Variants in IREB2 observed in about 807,000 individuals in gnomAD.
IREB2 encodes the protein iron responsive element binding protein 2, also known as iron-responsive element-binding protein 2.
Under a neutral mutation model 118.8 loss-of-function variants are expected in IREB2, and 39 were observed. The ratio of observed to expected loss-of-function variants is 0.33; its 90% CI spans 0.25 to 0.43. The LOEUF (loss-of-function observed/expected upper bound fraction) is 0.43, where lower values mean the gene tolerates loss of function less well. IREB2 is among the 20% of genes least tolerant of loss of function. The pLI is 1.00. For missense variants in IREB2, 900 were observed against 1,147.3 expected, an observed-to-expected ratio of 0.78 and a Z score of 3.11; for synonymous variants, 372 against 392.2, an observed-to-expected ratio of 0.95 and a Z score of 0.61.
chr15:78,442,031 C>G (rs2050852558), intron 2 of IREB2, among the ~76,000 whole-genome samples: 1 of 152,000 alleles, frequency 6.6e-6, no homozygotes, highest in South Asian at 2.1e-4. Context: ...CTTAACCTCC[C>G]AAGTAGCTGG....
intron 5 of IREB2, among the ~76,000 whole-genome samples, chr15:78,466,913 A>G (rs186280914): frequency 9.9e-4 from 151 of 151,788 alleles, no homozygotes; most frequent in African/African-American, 3.5e-3. Flanking sequence ...ATCTTTTCCT[A>G]TTGCATTAAG....
At position 78,484,997 on chromosome 15, in the gene IREB2, C is replaced by T. The variant is rs1596010313; in HGVS notation, c.1573+77C>T. 8 of 1,348,260 alleles carry T rather than the reference C, an allele frequency of 5.9e-6. No homozygotes were observed. In the South Asian group the frequency reaches 1.1e-4, roughly 18 times the overall value. The allele number at this position is 1,348,260 out of a possible 1,614,324, so 83.5% of individuals were successfully genotyped here. A position where few individuals can be genotyped will look rare whatever the true frequency, so the allele number is the denominator to read the frequency against. ...CTTTTCTGTTATTGTAACTTTGTTT[C>T]TTAGATGATGCATGAGTGTCTACAT... On this transcript the variant is annotated intron_variant, in intron 12 of 21. Transcript: ENST00000258886.
chr15:78,490,456 C>T lies in IREB2; in HGVS notation c.2111C>T (p.Pro704Leu), dbSNP rs201201058. 33 of 1,606,264 alleles carry T rather than the reference C, an allele frequency of 2.1e-5. No homozygotes were observed. In the Admixed American group the frequency reaches 3.8e-4, roughly 19 times the overall value. Residue 704 changes from proline to leucine, a missense_variant, in exon 17 of 22, where the codon CCG becomes CTG. Physicochemically the swap from Pro to Leu is moderately conservative, Grantham distance 98 (BLOSUM62 -3). Coordinates refer to ENST00000258886, the MANE Select transcript of IREB2 (RefSeq NM_004136.4). ...GNKRWNSLEAPDSVLFPWDLK... is the reference protein window; with the variant it reads ...GNKRWNSLEALDSVLFPWDLK... ...AAACGGTGGAATTCCTTAGAAGCAC[C>T]GGATTCAGTTTTGTTTCCATGGGAC...
chr15:78,454,880 G>A (rs1246310165), intron 2 of IREB2, among the ~76,000 whole-genome samples: 1 of 152,090 alleles, frequency 6.6e-6, no homozygotes, highest in Non-Finnish European at 1.5e-5. Flanking sequence ...TTCTTGTAGA[G>A]ATGATCTTGT....
At chr15:78,471,321 T>G (rs1596000456) in intron 6 of IREB2, among the ~76,000 whole-genome samples, 1 of 152,372 alleles carries the variant, frequency 6.6e-6, no homozygotes, top group East Asian at 1.9e-4. Context: ...TTTAGTAGTT[T>G]CTAAAGGTTT....
chr15:78,477,953 G>A (rs920870173), intron 9 of IREB2, among the ~76,000 whole-genome samples: 9 of 151,804 alleles, frequency 5.9e-5, no homozygotes, highest in African/African-American at 1.2e-4. Flanking sequence ...GGGGTGTGGT[G>A]GCTCATACCC....
intron 8 of IREB2, 31 bp from the exon 9 acceptor site, chr15:78,476,157 T>C (rs1288304758): frequency 6.8e-7 from 1 of 1,480,956 alleles, no homozygotes; most frequent in Non-Finnish European, 9.1e-7. Context: ...CTTTGCAATT[T>C]TGTATGTGTT....
At chr15:78,479,127 T>A (rs867301795) in intron 10 of IREB2, among the ~76,000 whole-genome samples, 1 of 152,064 alleles carries the variant, frequency 6.6e-6, no homozygotes, top group South Asian at 2.1e-4. Flanking sequence ...AATATTATTA[T>A]TTTTTGGACC....
At chr15:78,448,361 T>G (rs1293591789) in intron 2 of IREB2, among the ~76,000 whole-genome samples, 1 of 152,106 alleles carries the variant, frequency 6.6e-6, no homozygotes, top group Non-Finnish European at 1.5e-5. Context: ...GCCAGGCTGG[T>G]CTCGAGCTCC....
At chr15:78,475,871 G>C (rs1282697318) in intron 8 of IREB2, 1 of 173,678 alleles carries the variant, frequency 5.8e-6, no homozygotes, top group East Asian at 1.5e-4. Flanking sequence ...GAAAGAAAAA[G>C]GGCTGCCACC....
intron 9 of IREB2, 135 bp downstream of exon 9, chr15:78,476,494 C>T (rs1036113430): frequency 1.7e-6 from 1 of 604,346 alleles, no homozygotes; most frequent in Non-Finnish European, 2.7e-6. Flanking sequence ...AACTTTCAAG[C>T]AAACATCAGA....
intron 18 of IREB2, 91 bp downstream of exon 18, chr15:78,490,852 A>T: frequency 1.7e-6 from 2 of 1,209,078 alleles, no homozygotes; most frequent in South Asian, 2.9e-5. Context: ...TTTTCCAGTA[A>T]ATACATGCTA....
At position 78,500,229 on chromosome 15, in the gene IREB2, T is replaced by G. The variant is rs1596021540; in HGVS notation, c.*2086T>G. ...CCTCAGCAGCTGATTCAGGAGATGA[T>G]GGTAAAGCTAGCTAACTATGAATTA... is the stretch of plus-strand genomic sequence containing the variant. On this transcript the variant is annotated 3_prime_UTR_variant, in exon 22 of 22. Transcript: ENST00000258886. 1 of 152,210 alleles carries G rather than the reference T, an allele frequency of 6.6e-6. No individual in the cohort carries two copies. The highest frequency in any genetic ancestry group is 2.4e-5 in the African/African-American group (1 of 41,434). 9.4% of individuals were successfully genotyped at this position (152,210 alleles called of 1,614,324 possible).
chr15:78,438,495 C>T (rs1323118915), intron 1 of IREB2, 139 bp downstream of exon 1: 4 of 968,038 alleles, frequency 4.1e-6, no homozygotes, highest in African/African-American at 1.6e-5. Flanking sequence ...CCCTCGGGGC[C>T]TGCCTGCTGG....
chr15:78,481,996 C>T (rs2051582162), intron 10 of IREB2, among the ~76,000 whole-genome samples: 1 of 152,152 alleles, frequency 6.6e-6, no homozygotes, highest in African/African-American at 2.4e-5. Flanking sequence ...AATCCCAGCA[C>T]TTTGGGAGGC....
At chr15:78,461,138 C>T (rs896348525) in intron 2 of IREB2, among the ~76,000 whole-genome samples, 1 of 152,206 alleles carries the variant, frequency 6.6e-6, no homozygotes. Context: ...GTTCCATGTT[C>T]AAGATGCGTC....
rs141036308 is a variant in IREB2 at position 78,466,922 on chromosome 15, A to T, written c.629+433A>T. ...TTTCTTATCTTTTCCTATTGCATTA[A>T]GAGCTCTATGTTGGCTGGGCGTAGT... On this transcript the variant is annotated intron_variant, in intron 5 of 21. Transcript: ENST00000258886. Among the ~76,000 whole-genome samples the T allele has an allele frequency of 4.6e-5, 7 of 152,162 alleles. No individual in the cohort carries two copies. The East Asian group carries it at 1.4e-3, about 29-fold the overall frequency.
chr15:78,501,256 T>C lies in IREB2; in HGVS notation c.*3113T>C, dbSNP rs1484050498. 6.6e-6 allele frequency: 1 copy of C among 152,578 alleles called. No homozygotes were observed. The highest frequency in any genetic ancestry group is 2.4e-5 in the African/African-American group (1 of 41,450). 9.5% of individuals were successfully genotyped at this position (152,578 alleles called of 1,614,324 possible). A position where few individuals can be genotyped will look rare whatever the true frequency, so the allele number is the denominator to read the frequency against. On this transcript the variant is annotated 3_prime_UTR_variant, in exon 22 of 22. Coordinates refer to ENST00000258886, the MANE Select transcript of IREB2 (RefSeq NM_004136.4). ...ATATCTCACTTAAGTAACAAAGTAA[T>C]CACTTTGTCTATCACTAAGTAATAG... is the stretch of plus-strand genomic sequence containing the variant.
Position 78,466,411 on chromosome 15 carries a change from G to A in IREB2, c.551G>A (p.Gly184Asp), listed in dbSNP as rs752687698. 12 of 1,614,038 alleles carry A rather than the reference G, an allele frequency of 7.4e-6. No individual in the cohort carries two copies. The East Asian group carries it at 1.3e-4, about 18-fold the overall frequency. The change falls in exon 5 of 22, where the codon GGC becomes GAC. Residue 184 changes from glycine to aspartate, a missense_variant. Coordinates refer to ENST00000258886, the MANE Select transcript of IREB2 (RefSeq NM_004136.4). ...GGATCTTGTGATTCTGGAGAACTAG[G>A]CCGAAACTCAGGAACATTTTCTTCG... ...CRGSCDSGELGRNSGTFSSQI... is the reference protein window; with the variant it reads ...CRGSCDSGELDRNSGTFSSQI...
Sources: allele counts gnomAD v4.1 joint callset (sites outside exome capture counted in the v4.1 genomes callset), GRCh38; gene constraint gnomAD v4.1.1; transcripts MANE v1.5; gene names NCBI Gene and HGNC (gene_info 2026-07-23, HGNC 2026-07-21).